Variants in EBF1 observed in about 807,000 individuals in gnomAD.
EBF1 encodes transcription factor COE1.
EBF1 carries 10 observed loss-of-function variants against 68.4 expected under a neutral mutation model. The ratio of observed to expected loss-of-function variants is 0.15; its 90% CI spans 0.09 to 0.25. The LOEUF is 0.25. Among genes scored for constraint, EBF1 ranks in the 10% least tolerant of loss-of-function variants. The pLI, the probability that EBF1 is intolerant of heterozygous loss-of-function variation, is 1.00. For missense variants in EBF1, 509 were observed against 794.4 expected (o/e 0.64, Z 4.32); for synonymous variants, 298 against 299.8 (o/e 0.99, Z 0.06).
intron 6 of EBF1, among the ~76,000 whole-genome samples, chr5:159,071,126 A>G (rs976017433): frequency 2.6e-5 from 4 of 152,202 alleles, no homozygotes; most frequent in Non-Finnish European, 4.4e-5. Context: ...TGGCAGCCTG[A>G]AGGACAAATA....
intron 11 of EBF1, among the ~76,000 whole-genome samples, chr5:158,717,049 T>C (rs1223437027): frequency 1.3e-5 from 2 of 152,342 alleles, no homozygotes; most frequent in South Asian, 4.1e-4. Flanking sequence ...GTTTTAACAA[T>C]TTAAAGGCTA....
intron 6 of EBF1, chr5:158,986,050 T>C (rs185562212): frequency 6.6e-6 from 1 of 152,636 alleles, no homozygotes; most frequent in Admixed American, 6.5e-5. Context: ...CTGAGCAACT[T>C]GGCTCTCCTG....
chr5:158,880,460 C>T (rs1258515351), intron 6 of EBF1, among the ~76,000 whole-genome samples: 1 of 152,150 alleles, frequency 6.6e-6, no homozygotes, highest in Non-Finnish European at 1.5e-5. Context: ...TGCACACTGT[C>T]TTATATACAC....
At chr5:158,705,402 G>A (rs1040340468) in intron 15 of EBF1, among the ~76,000 whole-genome samples, 1 of 152,210 alleles carries the variant, frequency 6.6e-6, no homozygotes, top group Non-Finnish European at 1.5e-5. Context: ...CCACAACAGT[G>A]AATCCAGCAC....
intron 6 of EBF1, 22 bp downstream of exon 6, chr5:159,073,374 G>T (rs953786610): frequency 6.2e-7 from 1 of 1,612,232 alleles, no homozygotes; most frequent in Non-Finnish European, 8.5e-7. Context: ...TAAGAATCCA[G>T]TGAAAGAAGA....
chr5:158,993,906 A>T (rs1760870223), intron 6 of EBF1, among the ~76,000 whole-genome samples: 1 of 152,242 alleles, frequency 6.6e-6, no homozygotes, highest in African/African-American at 2.4e-5. Flanking sequence ...GGGCAAGTCA[A>T]AATGTAAGTC....
chr5:158,748,034 C>G (rs1175588973), intron 10 of EBF1, among the ~76,000 whole-genome samples: 1 of 152,138 alleles, frequency 6.6e-6, no homozygotes, highest in African/African-American at 2.4e-5. Context: ...TGTTATCTTT[C>G]CCTTCAGGAC....
chr5:158,924,170 T>C lies in EBF1; in HGVS notation c.555-84060A>G, dbSNP rs531167240. ...CATCTACATCAGCTCTGCCCCATGA[T>C]GGGTAAACAATTTGCCGAGAAGGCA... On this transcript the variant is annotated intron_variant, in intron 6 of 15. Transcript: ENST00000313708. Among the ~76,000 whole-genome samples the C allele has an allele frequency of 3.9e-5, 6 of 152,318 alleles. No homozygotes were observed. In the East Asian group the frequency reaches 1.2e-3, roughly 29 times the overall value.
intron 6 of EBF1, among the ~76,000 whole-genome samples, chr5:158,963,843 C>T (rs927956618): frequency 1.3e-5 from 2 of 152,190 alleles, no homozygotes; most frequent in African/African-American, 2.4e-5. Flanking sequence ...CTTCCTCCCA[C>T]ATTTATTGAT....
rs760863289 is a variant in EBF1, at chr5:158,713,051, G to T, written c.1288C>A (p.His430Asn). Residue 430 changes from histidine to asparagine, a missense_variant, in exon 13 of 16, where the codon CAC (histidine) becomes AAC (asparagine). His to Asn is a moderately conservative substitution (Grantham distance 68). Around this residue, in one of 3 missense-constraint regions of EBF1, gnomAD observed 205 missense variants for 247.4 expected, o/e 0.83. Coordinates refer to ENST00000313708, the MANE Select transcript of EBF1 (RefSeq NM_024007.5). ...GAATTCACGCCCATCATCCCTGCGT[G>T]GACCGAGGTGTTAGCAAGGGCCGGG... ...QLPALANTSV[H>N]AGMMGVNSFS... 1 of 1,599,248 alleles carries T rather than the reference G, an allele frequency of 6.3e-7. No homozygotes were observed. Among genetic ancestry groups the T allele is most frequent in the Non-Finnish European group, 8.5e-7 (1 of 1,171,620 alleles).
At chr5:158,959,579 A>C (rs1305066408) in intron 6 of EBF1, among the ~76,000 whole-genome samples, 2 of 152,084 alleles carry the variant, frequency 1.3e-5, no homozygotes, top group Admixed American at 6.5e-5. Flanking sequence ...GGCCTGAGCC[A>C]CCAGGCCTGT....
chr5:158,980,655 A>G (rs2127584307), intron 6 of EBF1, among the ~76,000 whole-genome samples: 1 of 152,380 alleles, frequency 6.6e-6, no homozygotes, highest in South Asian at 2.1e-4. Flanking sequence ...TAACAAAGGA[A>G]GAATGGAGAG....
At chr5:158,869,487 G>A (rs1279445040) in intron 6 of EBF1, among the ~76,000 whole-genome samples, 1 of 151,868 alleles carries the variant, frequency 6.6e-6, no homozygotes, top group African/African-American at 2.4e-5. Flanking sequence ...TGAAATCCTT[G>A]AGACCCTCCT....
intron 6 of EBF1, among the ~76,000 whole-genome samples, chr5:158,974,240 A>G (rs1382763949): frequency 1.3e-5 from 2 of 152,266 alleles, no homozygotes; most frequent in African/African-American, 2.4e-5. Context: ...CAATATAATC[A>G]GAGCCTTCTC....
At chr5:158,857,304 G>C (rs1794221339) in intron 6 of EBF1, among the ~76,000 whole-genome samples, 1 of 151,686 alleles carries the variant, frequency 6.6e-6, no homozygotes, top group African/African-American at 2.4e-5. Flanking sequence ...ACATGCACTG[G>C]GACACTCCCC....
At chr5:159,006,884 T>G (rs1351643609) in intron 6 of EBF1, among the ~76,000 whole-genome samples, 1 of 152,210 alleles carries the variant, frequency 6.6e-6, no homozygotes, top group East Asian at 1.9e-4. Flanking sequence ...TATGAAGCTG[T>G]AGAAATGAGT....
chr5:158,791,701 T>C (rs1206452795), intron 9 of EBF1, among the ~76,000 whole-genome samples: 2 of 151,460 alleles, frequency 1.3e-5, no homozygotes, highest in African/African-American at 4.9e-5. Context: ...AGGAACTTGA[T>C]TGGTCATTCA....
intron 8 of EBF1, among the ~76,000 whole-genome samples, chr5:158,816,099 T>C (rs1188546632): frequency 6.6e-6 from 1 of 152,244 alleles, no homozygotes. Context: ...TTCACCAAGA[T>C]GATCTTGCCT....
At chr5:158,829,637 G>T (rs1249066042) in intron 7 of EBF1, among the ~76,000 whole-genome samples, 1 of 152,076 alleles carries the variant, frequency 6.6e-6, no homozygotes, top group Non-Finnish European at 1.5e-5. Context: ...ACCTAAAACT[G>T]CTCTACAAAA....
Sources: gnomAD v4.1 joint callset for allele counts (sites outside exome capture counted in the v4.1 genomes callset) on GRCh38, gnomAD v4.1.1 for gene constraint, gnomAD v4.1.1 regional missense constraint, MANE v1.5 for transcripts, NCBI Gene and HGNC (gene_info 2026-07-23, HGNC 2026-07-21) for gene names.